The following ABI2 variants were observed in gnomAD, a reference collection of about 807,000 sequenced individuals.
ABI2 encodes the protein abelson interactor 2.
ABI2 carries 25 observed loss-of-function variants against 59.2 expected under a neutral mutation model. The ratio of observed to expected loss-of-function variants is 0.42; its 90% CI spans 0.31 to 0.59. ABI2 has a LOEUF of 0.59. Ranked by LOEUF, ABI2 falls within the 20% of genes least tolerant of loss-of-function variation. The pLI, the probability that ABI2 is intolerant of heterozygous loss-of-function variation, is 0.14. For missense variants in ABI2, 545 were observed against 681.8 expected, an observed-to-expected ratio of 0.80 and a Z score of 2.23; for synonymous variants, 213 against 235.5, an observed-to-expected ratio of 0.90 and a Z score of 0.87.
chr2:203,417,291 T>C (rs1157394758), intron 11 of ABI2, among the ~76,000 whole-genome samples: 1 of 152,252 alleles, frequency 6.6e-6, no homozygotes, highest in Non-Finnish European at 1.5e-5. Flanking sequence ...GATGGTTATC[T>C]ATATTGTTCC....
chr2:203,411,186 A>C, intron 9 of ABI2, 99 bp from the exon 10 acceptor site: 67 of 846,052 alleles, frequency 7.9e-5, no homozygotes, highest in Non-Finnish European at 1.2e-4. Context: ...TGTGAATAGT[A>C]GTTTCCCTCC....
rs556914733 is a variant in ABI2 at position 203,349,426 on chromosome 2, C to T, written c.118-17451C>T. 7.2e-5 allele frequency among the ~76,000 whole-genome samples: 11 copies of T among 152,014 alleles called. 1 individual carries two copies. The South Asian group carries it at 1.5e-3, about 20-fold the overall frequency. ...TGATATCCTTTCTTCTTTTTTGAGGCGGAGTTTTGCTCTTGTTGCCCAGGC... is the reference window on the plus strand; with the variant it reads ...TGATATCCTTTCTTCTTTTTTGAGGTGGAGTTTTGCTCTTGTTGCCCAGGC... On this transcript the variant is annotated intron_variant, in intron 1 of 11. Coordinates refer to ENST00000261018, the MANE Select transcript of ABI2 (RefSeq NM_001375670.1).
At chr2:203,348,943 T>G (rs2085660012) in intron 1 of ABI2, among the ~76,000 whole-genome samples, 1 of 152,122 alleles carries the variant, frequency 6.6e-6, no homozygotes, top group African/African-American at 2.4e-5. Context: ...TTTGTTTGTT[T>G]GTTTTTGAGA....
chr2:203,401,195 G>T (rs553915704), intron 8 of ABI2, among the ~76,000 whole-genome samples: 1 of 148,834 alleles, frequency 6.7e-6, no homozygotes, highest in Non-Finnish European at 1.5e-5. Context: ...TAGCAAAAGT[G>T]TTTTTTTTTT....
intron 4 of ABI2, among the ~76,000 whole-genome samples, chr2:203,384,302 T>TGG (rs1559289388): frequency 3.3e-5 from 2 of 59,706 alleles, no homozygotes; most frequent in Non-Finnish European, 7.2e-5. Flanking sequence ...TTTTTTTTTT[T>TGG]TTTTTTTTTT....
intron 1 of ABI2, 199 bp downstream of exon 1, chr2:203,328,830 AAAG>A (rs1321322196): frequency 1.3e-5 from 5 of 381,702 alleles, no homozygotes; most frequent in African/African-American, 1.1e-4. Context: ...AACCTTTAAA[AAAG>A]CGGTGAAGCA....
chr2:203,395,614 T>G (rs1358886241), intron 6 of ABI2, 42 bp from the exon 7 acceptor site: 1 of 1,582,382 alleles, frequency 6.3e-7, no homozygotes, highest in Non-Finnish European at 8.6e-7. Flanking sequence ...GATCTCTTAC[T>G]GTTTATAAAT....
chr2:203,417,229 A>AAAGTTG (rs2097930757), intron 11 of ABI2, 148 bp downstream of exon 11: 1 of 701,768 alleles, frequency 1.4e-6, no homozygotes, highest in African/African-American at 1.8e-5. Context: ...AAGGTTCATG[A>AAAGTTG]TTTTGAAAGT....
intron 2 of ABI2, among the ~76,000 whole-genome samples, chr2:203,374,589 CTT>C (rs1183549538): frequency 1.3e-5 from 2 of 150,458 alleles, no homozygotes; most frequent in African/African-American, 2.5e-5. Context: ...AGAAAGTAGA[CTT>C]TTTATACTTC....
At chr2:203,339,257 G>A (rs34531531) in intron 1 of ABI2, among the ~76,000 whole-genome samples, 3 of 151,552 alleles carry the variant, frequency 2.0e-5, no homozygotes, top group Non-Finnish European at 4.4e-5. Flanking sequence ...TGTGTGCAGT[G>A]AGAATGTAAA....
intron 11 of ABI2, among the ~76,000 whole-genome samples, chr2:203,417,783 C>A (rs999244763): frequency 6.6e-5 from 10 of 152,316 alleles, no homozygotes; most frequent in Admixed American, 6.5e-5. Flanking sequence ...CAGGTGTACC[C>A]TCCCTCCTAA....
At chr2:203,345,133 G>A (rs1024011475) in intron 1 of ABI2, among the ~76,000 whole-genome samples, 2 of 152,112 alleles carry the variant, frequency 1.3e-5, no homozygotes, top group African/African-American at 4.8e-5. Context: ...CACTCTTTGG[G>A]TCCGCACTAC....
At chr2:203,358,071 T>TGTGTGTGTGTG (rs1234117326) in intron 1 of ABI2, among the ~76,000 whole-genome samples, 1 of 128,854 alleles carries the variant, frequency 7.8e-6, no homozygotes, top group African/African-American at 3.0e-5. Flanking sequence ...CCTGGCCTGT[T>TGTGTGTGTGTG]TGTGTGTGTG....
At chr2:203,354,746 A>G (rs1039800946) in intron 1 of ABI2, among the ~76,000 whole-genome samples, 1 of 152,234 alleles carries the variant, frequency 6.6e-6, no homozygotes, top group Non-Finnish European at 1.5e-5. Flanking sequence ...CAAGGGTTGT[A>G]TTACAGGGAA....
In ABI2 at chr2:203,394,862, CAG is replaced by C; in HGVS notation, c.725+17_725+18del. 2 of 1,613,210 alleles carry C rather than the reference CAG, an allele frequency of 1.2e-6. No homozygotes were observed. Among genetic ancestry groups the C allele is most frequent in the Non-Finnish European group, 1.7e-6 (2 of 1,179,512 alleles). Reference sequence around the variant, plus strand: ...GAACTTACAGGTATTTTCTCTACCTCAGTGCAAAATGTGATGGTCATAGTACC... The same window carrying C: ...GAACTTACAGGTATTTTCTCTACCTCTGCAAAATGTGATGGTCATAGTACC... On this transcript the variant is annotated intron_variant, in intron 6 of 11. Transcript: ENST00000261018.
At chr2:203,382,342 A>C in intron 4 of ABI2, 136 bp downstream of exon 4, 1 of 801,310 alleles carries the variant, frequency 1.2e-6, no homozygotes, top group South Asian at 2.0e-5. Context: ...ATTTTTTGTC[A>C]TGCAACTTTG....
chr2:203,382,889 C>T (rs1242774402), intron 4 of ABI2, among the ~76,000 whole-genome samples: 2 of 151,966 alleles, frequency 1.3e-5, no homozygotes, highest in Admixed American at 1.3e-4. Context: ...ATCAAAAGCT[C>T]ATGATAATGT....
intron 5 of ABI2, among the ~76,000 whole-genome samples, chr2:203,392,439 A>C (rs1461426398): frequency 6.6e-6 from 1 of 152,192 alleles, no homozygotes; most frequent in Non-Finnish European, 1.5e-5. Flanking sequence ...TAGTGCTGGA[A>C]GAGAGATAAT....
intron 9 of ABI2, among the ~76,000 whole-genome samples, chr2:203,403,520 T>G (rs1481361211): frequency 6.6e-6 from 1 of 152,198 alleles, no homozygotes; most frequent in East Asian, 1.9e-4. Flanking sequence ...ATAGTGATAT[T>G]CTTTGAAAGA....
Sources: gnomAD v4.1 joint callset for allele counts (sites outside exome capture counted in the v4.1 genomes callset) on GRCh38, gnomAD v4.1.1 for gene constraint, MANE v1.5 for transcripts, NCBI Gene and HGNC (gene_info 2026-07-23, HGNC 2026-07-21) for gene names.